The following RFX2 variants were observed in gnomAD, a reference collection of about 807,000 sequenced individuals.
RFX2 encodes the protein DNA-binding protein RFX2.
RFX2 carries 20 observed loss-of-function variants against 87.8 expected under a neutral mutation model. The observed-to-expected ratio is 0.23, with a 90% CI of 0.16 to 0.33. The LOEUF (loss-of-function observed/expected upper bound fraction) is 0.33. Among genes scored for constraint, RFX2 ranks in the 10% least tolerant of loss-of-function variants. The probability of loss-of-function intolerance (pLI) is 1.00; values close to 1 mark genes in which losing one functional copy is unlikely to be tolerated. For synonymous variants in RFX2, 397 were observed against 431.3 expected (o/e 0.92, Z 0.98); for missense variants, 767 against 1,012.3 (o/e 0.76, Z 3.29).
In RFX2 at chr19:6,017,623, C is replaced by A. The variant is rs1312966891; in HGVS notation, c.598-1352G>T. Among the ~76,000 whole-genome samples, 1 of 151,962 alleles carries A rather than the reference C, an allele frequency of 6.6e-6. No homozygotes were observed. The highest frequency in any genetic ancestry group is 2.4e-5 in the African/African-American group (1 of 41,348). ...GAAACCAGCTGTCTCTACCTGGTCC[C>A]CTTTGTGCGAGGCTGTCAGCTGCTT... On this transcript the variant is annotated intron_variant, in intron 6 of 17. Transcript: ENST00000303657. This position sits in a 1 kb window ranked among gnomAD's most constrained non-coding sequence, Gnocchi z 4.1.
intron 1 of RFX2, among the ~76,000 whole-genome samples, chr19:6,069,996 G>A (rs1405646556): frequency 7.2e-6 from 1 of 138,424 alleles, no homozygotes; most frequent in African/African-American, 2.7e-5. Context: ...TGGATGGGAT[G>A]GGATGGGATG....
intron 13 of RFX2, among the ~76,000 whole-genome samples, chr19:6,003,740 T>C (rs866120863): frequency 1.5e-4 from 20 of 131,754 alleles, no homozygotes; most frequent in South Asian, 4.7e-4. Context: ...GATAACACCA[T>C]TGCACTCCAG....
chr19:6,077,197 T>C (rs1387161182), intron 1 of RFX2: 4 of 152,180 alleles, frequency 2.6e-5, no homozygotes, highest in Admixed American at 6.5e-5. Context: ...TTAAATCTCT[T>C]TAGTTCTCCA....
In RFX2 at chr19:6,012,113, T is replaced by C. The variant is rs1221759388; in HGVS notation, c.899+873A>G. 1 of 152,282 alleles carries C rather than the reference T, an allele frequency of 6.6e-6. No individual in the cohort carries two copies. The highest frequency in any genetic ancestry group is 2.4e-5 in the African/African-American group (1 of 41,470). 9.4% of individuals were successfully genotyped at this position (152,282 alleles called of 1,614,324 possible). On this transcript the variant is annotated intron_variant, in intron 8 of 17. Coordinates refer to ENST00000303657, the MANE Select transcript of RFX2 (RefSeq NM_000635.4). The surrounding 1 kb of genome is among the most constrained non-coding windows in gnomAD (Gnocchi z 4.6). ...GGCTAAGATATTTGCTCTCTGGCTC[T>C]TTACAGGAAAGGTTTGCTGGCTCCT...
intron 1 of RFX2, among the ~76,000 whole-genome samples, chr19:6,093,419 C>T (rs1348700212): frequency 1.3e-5 from 2 of 152,104 alleles, no homozygotes; most frequent in Non-Finnish European, 2.9e-5. Flanking sequence ...CCTGTAATCC[C>T]AGCTACTCTG....
rs57452891 is a variant in RFX2 at position 5,995,573 on chromosome 19, G to A, written c.2056+28C>T. On this transcript the variant is annotated intron_variant, in intron 17 of 17. Coordinates refer to ENST00000303657, the MANE Select transcript of RFX2 (RefSeq NM_000635.4). ...GGAGTACCACCCTCCTGGGAGGGTCGTGGTGGGAAAGCCGCAGACGCACCT... is the reference window on the plus strand; with the variant it reads ...GGAGTACCACCCTCCTGGGAGGGTCATGGTGGGAAAGCCGCAGACGCACCT... 1.1e-3 allele frequency: 1,643 copies of A among 1,550,606 alleles called. 18 individuals are homozygous for A. The African/African-American group carries it at 0.02, about 19-fold the overall frequency.
In RFX2 at chr19:6,064,428, C is replaced by T. The variant is rs951011690; in HGVS notation, c.-8-16924G>A. 3.9e-5 allele frequency among the ~76,000 whole-genome samples: 6 copies of T among 152,256 alleles called. No homozygotes were observed. Among genetic ancestry groups the T allele is most frequent in the African/African-American group, 1.4e-4 (6 of 41,466 alleles). ...AAGATGGGGAATGTGCCAGTGAAAA[C>T]CTGGCATGCGGAGGCCTCACCTCAC... On this transcript the variant is annotated intron_variant, in intron 1 of 17. Coordinates refer to ENST00000303657, the MANE Select transcript of RFX2 (RefSeq NM_000635.4). This position sits in a 1 kb window ranked among gnomAD's most constrained non-coding sequence, Gnocchi z 4.8.
chr19:6,100,702 T>G (rs1026453519), intron 1 of RFX2, among the ~76,000 whole-genome samples: 2 of 152,014 alleles, frequency 1.3e-5, no homozygotes, highest in African/African-American at 4.8e-5. Flanking sequence ...TGCTACTGAC[T>G]CCACCATCCG....
intron 1 of RFX2, among the ~76,000 whole-genome samples, chr19:6,057,486 G>C (rs189452695): frequency 6.6e-6 from 1 of 152,296 alleles, no homozygotes; most frequent in Admixed American, 6.5e-5. Context: ...ATGCCAAATG[G>C]AGCTGTCACC....
intron 4 of RFX2, among the ~76,000 whole-genome samples, chr19:6,041,746 C>A (rs902206253): frequency 6.6e-6 from 1 of 151,586 alleles, no homozygotes; most frequent in Non-Finnish European, 1.5e-5. Context: ...CAGGGTGTTG[C>A]TCCATCAGTC....
chr19:6,109,092 C>G (rs1280024130), intron 1 of RFX2, among the ~76,000 whole-genome samples: 1 of 151,186 alleles, frequency 6.6e-6, no homozygotes, highest in Non-Finnish European at 1.5e-5. Context: ...TTTAAATCCA[C>G]AAACACACAC....
Position 5,995,638 on chromosome 19 carries a change from G to C in RFX2, c.2019C>G (p.Asn673Lys). The C allele has an allele frequency of 6.4e-7, 1 of 1,552,496 alleles. No homozygotes were observed. Among genetic ancestry groups the C allele is most frequent in the East Asian group, 2.4e-5 (1 of 40,940 alleles). ...GCGTCAGCGACAGAGAGGCGAGATCGTTGAACTGAAAGAGAAACCTGGAGT... is the reference window on the plus strand; with the variant it reads ...GCGTCAGCGACAGAGAGGCGAGATCCTTGAACTGAAAGAGAAACCTGGAGT... ...ETPIAVMGEF[N>K]DLASLSLTLL... The change falls in exon 17 of 18, where the codon AAC becomes AAG. Residue 673 changes from asparagine (N) to lysine (K), a missense_variant. Transcript: ENST00000303657.
At position 6,011,420 on chromosome 19, in the gene RFX2, G is replaced by C. The variant is rs2086658455; in HGVS notation, c.900-1169C>G. On this transcript the variant is annotated intron_variant, in intron 8 of 17. Coordinates refer to ENST00000303657, the MANE Select transcript of RFX2 (RefSeq NM_000635.4). This position sits in a 1 kb window ranked among gnomAD's most constrained non-coding sequence, Gnocchi z 4.8. ...ATACGAAGCGGGGCCAGGCCTACAG[G>C]GAGGCGGGAGACCATGCTGGCGAGG... Among the ~76,000 whole-genome samples, 1 of 152,224 alleles carries C rather than the reference G, an allele frequency of 6.6e-6. No individual in the cohort carries two copies. Among genetic ancestry groups the C allele is most frequent in the Non-Finnish European group, 1.5e-5 (1 of 68,040 alleles).
intron 9 of RFX2, among the ~76,000 whole-genome samples, chr19:6,008,675 AT>A (rs1284518775): frequency 0.17 from 13,708 of 79,242 alleles, 921 homozygotes; most frequent in African/African-American, 0.36. Context: ...ATGCCCGGCC[AT>A]TTTTTTTTTT....
chr19:6,026,605 C>T lies in RFX2; in HGVS notation c.523-368G>A, dbSNP rs2086891480. The T allele has an allele frequency of 1.8e-5, 5 of 276,258 alleles. No individual in the cohort carries two copies. Among genetic ancestry groups the T allele is most frequent in the South Asian group, 1.8e-4 (5 of 28,084 alleles). The allele number at this position is 276,258 out of a possible 1,614,324, so 17.1% of individuals were successfully genotyped here. ...GTCAGCCAAGCCAGCATCATAGTCA[C>T]CTGCTCCTTTCCCCACGCCACATCG... On this transcript the variant is annotated intron_variant, in intron 5 of 17. Coordinates refer to ENST00000303657, the MANE Select transcript of RFX2 (RefSeq NM_000635.4). This position sits in a 1 kb window ranked among gnomAD's most constrained non-coding sequence, Gnocchi z 4.5.
At chr19:6,105,743 A>G (rs2088206756) in intron 1 of RFX2, among the ~76,000 whole-genome samples, 1 of 152,086 alleles carries the variant, frequency 6.6e-6, no homozygotes, top group South Asian at 2.1e-4. Context: ...CTGAAGGTGG[A>G]GTCAACAGGA....
intron 1 of RFX2, among the ~76,000 whole-genome samples, chr19:6,078,946 T>G (rs1477755985): frequency 6.6e-6 from 1 of 152,210 alleles, no homozygotes; most frequent in East Asian, 1.9e-4. Flanking sequence ...CAGCTAATTT[T>G]TGTATTTTTA....
At chr19:5,996,196 C>T (rs867717629) in intron 16 of RFX2, among the ~76,000 whole-genome samples, 22 of 130,412 alleles carry the variant, frequency 1.7e-4, no homozygotes, top group African/African-American at 5.4e-4. Flanking sequence ...CCATCCCACG[C>T]AGCCCAGCAA....
intron 1 of RFX2, among the ~76,000 whole-genome samples, chr19:6,059,871 G>A (rs2087403166): frequency 2.0e-5 from 3 of 152,118 alleles, no homozygotes; most frequent in Middle Eastern, 3.4e-3. Flanking sequence ...CAGAAGACAC[G>A]TCATTTTCTT....
Sources: gnomAD v4.1 joint callset for allele counts (sites outside exome capture counted in the v4.1 genomes callset) on GRCh38, gnomAD v4.1.1 for gene constraint, Gnocchi (gnomAD v3.1) non-coding constraint, MANE v1.5 for transcripts, NCBI Gene and HGNC (gene_info 2026-07-23, HGNC 2026-07-21) for gene names.